NUP58: variants seen among roughly 807,000 people sequenced by gnomAD.
NUP58 encodes nucleoporin 58.
A neutral mutation model predicts 70.1 loss-of-function variants in NUP58; 17 were observed. The observed-to-expected ratio is 0.24, with a 90% CI of 0.17 to 0.36. The LOEUF (loss-of-function observed/expected upper bound fraction) is 0.36. NUP58 is among the 10% of genes least tolerant of loss of function. NUP58 has a pLI of 1.00. For synonymous variants in NUP58, 275 were observed against 257.6 expected, an observed-to-expected ratio of 1.07 and a Z score of -0.65; for missense variants, 644 against 701.5, an observed-to-expected ratio of 0.92 and a Z score of 0.93.
chr13:25,313,828 G>T, intron 5 of NUP58, 77 bp downstream of exon 5: 1 of 1,217,646 alleles, frequency 8.2e-7, no homozygotes. Context: ...AGTACTTTGA[G>T]CAGGTCACTT....
chr13:25,334,988 A>T (rs920822989), intron 13 of NUP58: 2 of 985,130 alleles, frequency 2.0e-6, no homozygotes, highest in African/African-American at 3.5e-5. Context: ...CTTTTGCCTG[A>T]AGGATTTAGA....
Position 25,339,929 on chromosome 13 carries a change from A to C in NUP58, c.1631-36A>C, listed in dbSNP as rs554899399. ...TTTTTATATTTGTTTTTGGAATTCA[A>C]CTTCTGATATGAATATTTTTTTCCC... On this transcript the variant is annotated intron_variant, in intron 15 of 15. Coordinates refer to ENST00000381736, the MANE Select transcript of NUP58 (RefSeq NM_014089.4). 2.6e-5 allele frequency: 39 copies of C among 1,514,016 alleles called. 1 individual carries two copies. In the South Asian group the frequency reaches 5.0e-4, roughly 19 times the overall value. 93.8% of individuals were successfully genotyped at this position (1,514,016 alleles called of 1,614,324 possible).
At chr13:25,315,232 G>T in intron 5 of NUP58, 125 bp from the exon 6 acceptor site, 1 of 723,414 alleles carries the variant, frequency 1.4e-6, no homozygotes, top group Non-Finnish European at 2.4e-6. Context: ...GTTTCTTGTT[G>T]TTTGCCTAAA....
chr13:25,306,078 A>T (rs1376324944), intron 1 of NUP58, among the ~76,000 whole-genome samples: 6 of 152,176 alleles, frequency 3.9e-5, no homozygotes, highest in Non-Finnish European at 1.5e-5. Context: ...ATTGAAGTTA[A>T]TTCATCCTGT....
intron 1 of NUP58, among the ~76,000 whole-genome samples, chr13:25,305,260 C>T (rs2030289517): frequency 6.6e-6 from 1 of 150,860 alleles, no homozygotes. Flanking sequence ...CTTTCCACCT[C>T]AGCTTCCTGA....
In NUP58 at chr13:25,331,216, A is replaced by C. The variant is rs1593196503; in HGVS notation, c.1234-141A>C. ...CTCATCATTTCCTACACCAAAGTGC[A>C]TTATTAGCACTCTAATTTGCAGTTT... On this transcript the variant is annotated intron_variant, in intron 12 of 15. Coordinates refer to ENST00000381736, the MANE Select transcript of NUP58 (RefSeq NM_014089.4). The C allele has an allele frequency of 4.1e-6, 3 of 730,368 alleles. No individual in the cohort carries two copies. The Admixed American group carries it at 7.3e-5, about 18-fold the overall frequency. 45.2% of individuals were successfully genotyped at this position (730,368 alleles called of 1,614,324 possible).
rs549147872 is a variant in NUP58 at position 25,332,232 on chromosome 13, A to AAAT, written c.1435+678_1435+680dup. The AAAT allele has an allele frequency of 1.4e-4, 140 of 985,586 alleles. No individual in the cohort carries two copies. The African/African-American group carries it at 2.3e-3, about 16-fold the overall frequency. 61.1% of individuals were successfully genotyped at this position (985,586 alleles called of 1,614,324 possible). ...AGCAACTGGGAAGTTGAACAGATGA[A>AAAT]AATAATTGGTGACATGGAAAGCAGA... On this transcript the variant is annotated intron_variant, in intron 13 of 15. Coordinates refer to ENST00000381736, the MANE Select transcript of NUP58 (RefSeq NM_014089.4).
downstream of NUP58, among the ~76,000 whole-genome samples, chr13:25,343,246 TC>T (rs2137851152): frequency 6.6e-6 from 1 of 152,028 alleles, no homozygotes; most frequent in Non-Finnish European, 1.5e-5. Flanking sequence ...ATAGCTTAGC[TC>T]CCACTTAGAG....
At chr13:25,332,336 C>A in intron 13 of NUP58, 1 of 985,318 alleles carries the variant, frequency 1.0e-6, no homozygotes, top group Non-Finnish European at 1.2e-6. Flanking sequence ...TTTATTTGGT[C>A]CTGTGTCTTT....
intron 6 of NUP58, among the ~76,000 whole-genome samples, chr13:25,318,409 G>A (rs929047130): frequency 5.9e-5 from 9 of 152,072 alleles, no homozygotes; most frequent in African/African-American, 2.2e-4. Flanking sequence ...CAAGCAGTCT[G>A]CCCAAAATGC....
At chr13:25,323,174 A>C (rs1372049589) in intron 9 of NUP58, among the ~76,000 whole-genome samples, 1 of 152,152 alleles carries the variant, frequency 6.6e-6, no homozygotes, top group African/African-American at 2.4e-5. Context: ...AAGAGCATAA[A>C]GGTGGCAAAG....
At position 25,332,906 on chromosome 13, in the gene NUP58, A is replaced by G. The variant is rs73470458; in HGVS notation, c.1435+1348A>G. On this transcript the variant is annotated intron_variant, in intron 13 of 15. Transcript: ENST00000381736. ...CATCAGCTCTCATGATTACCTAACC[A>G]GTTAATCAAACCAACCATAGTACTA... is the stretch of plus-strand genomic sequence containing the variant. The G allele has an allele frequency of 3.1e-3, 3,044 of 985,402 alleles. 65 individuals are homozygous for G. The African/African-American group carries it at 0.045, about 15-fold the overall frequency. 61.0% of individuals were successfully genotyped at this position (985,402 alleles called of 1,614,324 possible).
At chr13:25,317,451 G>A (rs189490626) in intron 6 of NUP58, among the ~76,000 whole-genome samples, 29 of 152,292 alleles carry the variant, frequency 1.9e-4, no homozygotes, top group Admixed American at 5.2e-4. Flanking sequence ...AGAGCTCCAC[G>A]TGTATTACTG....
Position 25,305,130 on chromosome 13 carries a change from G to GTTTTTTTTTTTTTTTTTTTTTTT in NUP58, c.108-2667_108-2645dup, listed in dbSNP as rs562132125. Among the ~76,000 whole-genome samples, 6 of 58,564 alleles carry GTTTTTTTTTTTTTTTTTTTTTTT rather than the reference G, an allele frequency of 1.0e-4. 1 individual carries two copies. The highest frequency in any genetic ancestry group is 3.1e-4 in the African/African-American group (6 of 19,490). 38.4% of individuals were successfully genotyped at this position (58,564 alleles called of 152,430 possible). On this transcript the variant is annotated intron_variant, in intron 1 of 15. Transcript: ENST00000381736. ...GACTAAATGTTTAAAGATCTGTGGG[G>GTTTTTTTTTTTTTTTTTTTTTTT]TTTTTTTTTTTTTTTTTTTTTTTTT...
In NUP58 at chr13:25,340,146, T is replaced by A; in HGVS notation, c.*12T>A. 2 of 1,605,630 alleles carry A rather than the reference T, an allele frequency of 1.2e-6. No individual in the cohort carries two copies. Among genetic ancestry groups the A allele is most frequent in the Non-Finnish European group, 1.7e-6 (2 of 1,176,444 alleles). On this transcript the variant is annotated 3_prime_UTR_variant, in exon 16 of 16. Coordinates refer to ENST00000381736, the MANE Select transcript of NUP58 (RefSeq NM_014089.4). ...GAGGAAAAAGATAAACATGGGTTGA[T>A]GTGTTGAGAGAATCCATAGCAGCAC...
chr13:25,313,406 A>G (rs1358255454), intron 4 of NUP58, among the ~76,000 whole-genome samples: 7 of 152,016 alleles, frequency 4.6e-5, no homozygotes, highest in African/African-American at 1.7e-4. Flanking sequence ...CCATTCTAAT[A>G]CTCCTCAAAG....
rs747552598 is a variant in NUP58, at chr13:25,307,944, T to C, written c.246T>C (p.Asn82=). 1.2e-5 allele frequency: 20 copies of C among 1,613,880 alleles called. No individual in the cohort carries two copies. The highest frequency in any genetic ancestry group is 1.7e-5 in the Non-Finnish European group (20 of 1,179,934). Residue 82 remains asparagine, a synonymous_variant, in exon 2 of 16, where the codon AAT becomes AAC. Transcript: ENST00000381736. The part of the protein sequence containing the change: ...PATGFTLGGT[N]TGIATTITTG... Reference sequence around the variant, plus strand: ...CTGGGTTCACTCTAGGAGGAACAAATACAGGTGAGGAGGATCTGATCACAT... The same window carrying C: ...CTGGGTTCACTCTAGGAGGAACAAACACAGGTGAGGAGGATCTGATCACAT...
chr13:25,319,062 A>C (rs534226687), intron 6 of NUP58, among the ~76,000 whole-genome samples: 1 of 152,234 alleles, frequency 6.6e-6, no homozygotes, highest in South Asian at 2.1e-4. Context: ...TGAGTTCATG[A>C]CGAGGGTTGA....
In NUP58 at chr13:25,301,724, G is replaced by A. The variant is rs1261105525; in HGVS notation, c.-50G>A. ...CCGCCTCGGCTTTGAGGCGAGAGAAGTGTCCCAGACCCATTTCGCCTTGCT... is the reference window on the plus strand; with the variant it reads ...CCGCCTCGGCTTTGAGGCGAGAGAAATGTCCCAGACCCATTTCGCCTTGCT... On this transcript the variant is annotated 5_prime_UTR_variant, in exon 1 of 16. In the 5' UTR this introduces an upstream ATG that the reference lacks. Coordinates refer to ENST00000381736, the MANE Select transcript of NUP58 (RefSeq NM_014089.4). 2 of 1,067,534 alleles carry A rather than the reference G, an allele frequency of 1.9e-6. No homozygotes were observed. The highest frequency in any genetic ancestry group is 1.6e-5 in the South Asian group (1 of 61,314). The allele number at this position is 1,067,534 out of a possible 1,614,324, so 66.1% of individuals were successfully genotyped here. A position where few individuals can be genotyped will look rare whatever the true frequency, so the allele number is the denominator to read the frequency against.
Sources: allele counts gnomAD v4.1 joint callset (sites outside exome capture counted in the v4.1 genomes callset), GRCh38; gene constraint gnomAD v4.1.1; transcripts MANE v1.5; gene names NCBI Gene and HGNC (gene_info 2026-07-23, HGNC 2026-07-21).